The following VTI1A variants were observed in gnomAD, a reference collection of about 807,000 sequenced individuals.
VTI1A encodes vesicle transport through interaction with t-SNAREs 1A.
Under a neutral mutation model 34.9 loss-of-function variants are expected in VTI1A, and 22 were observed. The observed-to-expected ratio is 0.63, with a 90% CI of 0.45 to 0.90. The LOEUF is 0.90. VTI1A is among the 40% of genes least tolerant of loss of function. The probability of loss-of-function intolerance (pLI) is 0.00; values close to 1 mark genes in which losing one functional copy is unlikely to be tolerated. For synonymous variants in VTI1A, 87 were observed against 97.3 expected (o/e 0.89, Z 0.62); for missense variants, 268 against 275.6 (o/e 0.97, Z 0.20).
At chr10:112,593,071 C>T (rs1844455797) in intron 5 of VTI1A, among the ~76,000 whole-genome samples, 3 of 152,182 alleles carry the variant, frequency 2.0e-5, no homozygotes, top group South Asian at 2.1e-4. Context: ...ATACCAAAAG[C>T]GAGGATGATC....
intron 7 of VTI1A, among the ~76,000 whole-genome samples, chr10:112,754,492 G>A (rs1851214118): frequency 6.6e-6 from 1 of 152,174 alleles, no homozygotes; most frequent in Non-Finnish European, 1.5e-5. Context: ...GGAAAATTCT[G>A]AAAACCACAA....
chr10:112,636,822 G>T (rs1846373153), intron 5 of VTI1A, among the ~76,000 whole-genome samples: 2 of 150,982 alleles, frequency 1.3e-5, no homozygotes, highest in South Asian at 4.2e-4. Context: ...TTAAATGCTA[G>T]AGATCAATTA....
chr10:112,572,487 A>C (rs1852163313), intron 5 of VTI1A, among the ~76,000 whole-genome samples: 1 of 152,204 alleles, frequency 6.6e-6, no homozygotes, highest in Non-Finnish European at 1.5e-5. Flanking sequence ...AAAGTCATGA[A>C]ACTATCATTA....
At chr10:112,659,702 C>T (rs974422144) in intron 5 of VTI1A, among the ~76,000 whole-genome samples, 2 of 152,154 alleles carry the variant, frequency 1.3e-5, no homozygotes, top group Non-Finnish European at 2.9e-5. Flanking sequence ...CAAACATACA[C>T]GCACGCAGAC....
intron 7 of VTI1A, among the ~76,000 whole-genome samples, chr10:112,671,234 T>C (rs964514508): frequency 1.3e-5 from 2 of 152,236 alleles, no homozygotes; most frequent in Non-Finnish European, 2.9e-5. Context: ...TTCCAGCCCT[T>C]GTGAGCTTGT....
At chr10:112,576,682 C>T (rs533442798) in intron 5 of VTI1A, among the ~76,000 whole-genome samples, 11 of 152,178 alleles carry the variant, frequency 7.2e-5, no homozygotes, top group South Asian at 2.1e-4. Flanking sequence ...CCTAATCAGA[C>T]GAAGATTAAA....
At chr10:112,464,100 G>C (rs560333930) in intron 2 of VTI1A, among the ~76,000 whole-genome samples, 1 of 152,336 alleles carries the variant, frequency 6.6e-6, no homozygotes, top group South Asian at 2.1e-4. Context: ...CCAGGTTCAA[G>C]CTATTCTCCT....
At chr10:112,734,672 A>G (rs1283951265) in intron 7 of VTI1A, among the ~76,000 whole-genome samples, 1 of 134,330 alleles carries the variant, frequency 7.4e-6, no homozygotes, top group Non-Finnish European at 1.6e-5. Context: ...TTTTTTTTTG[A>G]CACAGAGTCT....
chr10:112,715,979 T>C (rs1446101776), intron 7 of VTI1A, among the ~76,000 whole-genome samples: 3 of 152,152 alleles, frequency 2.0e-5, no homozygotes, highest in East Asian at 3.9e-4. Flanking sequence ...ACTCTGAGCA[T>C]ATGGAGTGCT....
At chr10:112,695,695 G>A (rs1218356524) in intron 7 of VTI1A, among the ~76,000 whole-genome samples, 1 of 152,158 alleles carries the variant, frequency 6.6e-6, no homozygotes, top group Non-Finnish European at 1.5e-5. Context: ...CAGATGCACT[G>A]CGTGCCCAGT....
chr10:112,787,188 A>G (rs760687423), intron 7 of VTI1A, among the ~76,000 whole-genome samples: 16 of 152,202 alleles, frequency 1.1e-4, no homozygotes, highest in Non-Finnish European at 2.2e-4. Context: ...ACTTGTTTGC[A>G]TAACACTGTT....
chr10:112,501,394 A>G (rs989395902), intron 3 of VTI1A, among the ~76,000 whole-genome samples: 1 of 152,056 alleles, frequency 6.6e-6, no homozygotes, highest in African/African-American at 2.4e-5. Flanking sequence ...ATGGTAAGCT[A>G]TTTTAGTAAA....
intron 1 of VTI1A, among the ~76,000 whole-genome samples, chr10:112,459,748 T>G (rs1011238746): frequency 1.3e-5 from 2 of 152,336 alleles, no homozygotes; most frequent in Non-Finnish European, 2.9e-5. Context: ...GAAAGCTTTC[T>G]GAAATTGTCT....
chr10:112,753,412 A>T (rs187198312), intron 7 of VTI1A, among the ~76,000 whole-genome samples: 38 of 152,278 alleles, frequency 2.5e-4, no homozygotes, highest in Admixed American at 2.5e-3. Context: ...TACTATCCTC[A>T]GAGAGGGAGA....
the VTI1A span, chr10:112,827,262 G>A: frequency 3.7e-4 from 56 of 152,048 alleles, no homozygotes; most frequent in Admixed American, 9.8e-4. Flanking sequence ...CTCCTTCCCC[G>A]AGGAATTGCA....
intron 4 of VTI1A, among the ~76,000 whole-genome samples, chr10:112,531,262 T>A (rs905261773): frequency 3.9e-5 from 6 of 152,090 alleles, no homozygotes; most frequent in Admixed American, 6.5e-5. Context: ...ACCTCTTGTA[T>A]CAAATTCTGC....
chr10:112,835,263 A>G, the VTI1A span, among the ~76,000 whole-genome samples: 1 of 152,176 alleles, frequency 6.6e-6, no homozygotes, highest in South Asian at 2.1e-4. Flanking sequence ...GTGGCAGTCA[A>G]TTGATTACTT....
chr10:112,714,943 C>T (rs1053998822), intron 7 of VTI1A, among the ~76,000 whole-genome samples: 1 of 152,158 alleles, frequency 6.6e-6, no homozygotes, highest in African/African-American at 2.4e-5. Context: ...TTGTCATCAG[C>T]GTTGCAGGTT....
At chr10:112,559,603 G>T (rs940301043) in intron 5 of VTI1A, among the ~76,000 whole-genome samples, 3 of 152,092 alleles carry the variant, frequency 2.0e-5, no homozygotes, top group African/African-American at 4.8e-5. Flanking sequence ...ACCCCCCAGT[G>T]CTGCCATCCC....
Sources: gnomAD v4.1 joint callset for allele counts (sites outside exome capture counted in the v4.1 genomes callset) on GRCh38, gnomAD v4.1.1 for gene constraint, MANE v1.5 for transcripts, NCBI Gene and HGNC (gene_info 2026-07-23, HGNC 2026-07-21) for gene names.